The following FLT1 variants were observed in gnomAD, a reference collection of about 807,000 sequenced individuals.
The protein encoded by FLT1 is fms related receptor tyrosine kinase 1.
Under a neutral mutation model 156.3 loss-of-function variants are expected in FLT1, and 49 were observed. That is an observed-to-expected ratio of 0.31 (90% CI 0.25 to 0.40). The LOEUF (loss-of-function observed/expected upper bound fraction) is 0.40. Among genes scored for constraint, FLT1 ranks in the 10% least tolerant of loss-of-function variants. The probability of loss-of-function intolerance (pLI) is 1.00; values close to 1 mark genes in which losing one functional copy is unlikely to be tolerated. For missense variants in FLT1, 1,322 were observed against 1,637.2 expected, an observed-to-expected ratio of 0.81 and a Z score of 3.32; for synonymous variants, 594 against 583.8, an observed-to-expected ratio of 1.02 and a Z score of -0.25.
At chr13:28,433,569 C>T (rs184765608) in intron 6 of FLT1, among the ~76,000 whole-genome samples, 182 of 152,254 alleles carry the variant, frequency 1.2e-3, no homozygotes, top group African/African-American at 3.5e-3. Context: ...CACCTAGAAT[C>T]ATGCAATAGA....
intron 10 of FLT1, among the ~76,000 whole-genome samples, chr13:28,416,361 G>A (rs562874489): frequency 2.6e-5 from 4 of 152,294 alleles, no homozygotes; most frequent in African/African-American, 9.6e-5. Flanking sequence ...TTTCAGGATC[G>A]TGAGCTTTTG....
intron 1 of FLT1, among the ~76,000 whole-genome samples, chr13:28,477,489 C>G: frequency 6.6e-6 from 1 of 152,196 alleles, no homozygotes; most frequent in East Asian, 1.9e-4. Flanking sequence ...TGAAAGTTAT[C>G]TGAGCTGCCT....
intron 10 of FLT1, among the ~76,000 whole-genome samples, chr13:28,406,699 G>A (rs1177661117): frequency 6.6e-6 from 1 of 151,968 alleles, no homozygotes; most frequent in Admixed American, 6.6e-5. Flanking sequence ...AGGCTAATGT[G>A]CAGTGGTGCA....
chr13:28,434,834 G>A (rs578169644), intron 4 of FLT1, among the ~76,000 whole-genome samples: 3 of 152,324 alleles, frequency 2.0e-5, no homozygotes, highest in Admixed American at 6.5e-5. Flanking sequence ...AGTGAGCTGA[G>A]ATCACACCAC....
At chr13:28,383,807 T>G (rs1874192379) in intron 14 of FLT1, among the ~76,000 whole-genome samples, 2 of 152,144 alleles carry the variant, frequency 1.3e-5, no homozygotes, top group East Asian at 3.9e-4. Context: ...CACTCCAGCC[T>G]GGTGACAGAG....
At chr13:28,443,273 C>G (rs1375515739) in intron 3 of FLT1, among the ~76,000 whole-genome samples, 1 of 152,168 alleles carries the variant, frequency 6.6e-6, no homozygotes, top group Admixed American at 6.5e-5. Context: ...AAACAGGGAC[C>G]CTTGCTCAGA....
At chr13:28,489,313 G>A (rs1881348226) in intron 1 of FLT1, among the ~76,000 whole-genome samples, 1 of 152,120 alleles carries the variant, frequency 6.6e-6, no homozygotes, top group Admixed American at 6.5e-5. Context: ...ATGATAGTGT[G>A]GCCACATATT....
intron 12 of FLT1, among the ~76,000 whole-genome samples, chr13:28,396,346 T>A (rs1346316990): frequency 6.6e-6 from 1 of 152,228 alleles, no homozygotes; most frequent in Non-Finnish European, 1.5e-5. Context: ...TTGAGCTACT[T>A]ACTTCCTTCC....
At chr13:28,368,656 A>C in intron 14 of FLT1, 1 of 963,954 alleles carries the variant, frequency 1.0e-6, no homozygotes, top group Non-Finnish European at 1.6e-6. Flanking sequence ...ACGTTGATGT[A>C]TACAGTTCTA....
intron 14 of FLT1, among the ~76,000 whole-genome samples, chr13:28,358,522 A>G (rs1014014384): frequency 6.6e-6 from 1 of 152,210 alleles, no homozygotes; most frequent in Non-Finnish European, 1.5e-5. Flanking sequence ...AGGAGTCCCA[A>G]GAATTTTCAG....
At chr13:28,362,704 G>A (rs550291848) in intron 14 of FLT1, among the ~76,000 whole-genome samples, 4 of 152,278 alleles carry the variant, frequency 2.6e-5, no homozygotes, top group Admixed American at 6.5e-5. Context: ...GGCACCATGA[G>A]TAAATAAAGT....
intron 25 of FLT1, among the ~76,000 whole-genome samples, chr13:28,314,375 A>G (rs1225567527): frequency 6.6e-6 from 1 of 152,136 alleles, no homozygotes; most frequent in African/African-American, 2.4e-5. Context: ...AATGCAAATC[A>G]TCTCAGCAAA....
Position 28,430,154 on chromosome 13 carries a change from G to C in FLT1, c.1002C>G (p.Ile334Met). Reference sequence around the variant, plus strand: ...CCTGCTGTTTTCGATGTTTCACAGTGATGAATGCTTTATCTTTGAAAGGAG... The same window carrying C: ...CCTGCTGTTTTCGATGTTTCACAGTCATGAATGCTTTATCTTTGAAAGGAG... ...TSVHIYDKAF[I>M]TVKHRKQQVL... Residue 334 changes from isoleucine to methionine, a missense_variant, in exon 8 of 30, where the codon ATC (isoleucine) becomes ATG (methionine). By Grantham distance (10) the Ile-to-Met change is conservative (BLOSUM62 1). This residue lies in a region of FLT1 where 991 missense variants were observed against 1,254.8 expected (regional missense o/e 0.79). Coordinates refer to ENST00000282397, the MANE Select transcript of FLT1 (RefSeq NM_002019.4). 3.7e-6 allele frequency: 6 copies of C among 1,611,556 alleles called. No individual in the cohort carries two copies. In the South Asian group the frequency reaches 5.5e-5, roughly 15 times the overall value.
At chr13:28,482,882 A>G (rs1880941395) in intron 1 of FLT1, among the ~76,000 whole-genome samples, 1 of 152,190 alleles carries the variant, frequency 6.6e-6, no homozygotes, top group Non-Finnish European at 1.5e-5. Context: ...TTGATAGGGT[A>G]TTTTTCATTG....
At chr13:28,412,966 C>G (rs937281500) in intron 10 of FLT1, among the ~76,000 whole-genome samples, 1 of 152,120 alleles carries the variant, frequency 6.6e-6, no homozygotes, top group Non-Finnish European at 1.5e-5. Context: ...GCTCCTCTTG[C>G]TCCAGGAAAA....
At chr13:28,412,730 CTTTTTTTT>C (rs752528822) in intron 10 of FLT1, among the ~76,000 whole-genome samples, 2 of 79,538 alleles carry the variant, frequency 2.5e-5, no homozygotes, top group Admixed American at 3.1e-4. Flanking sequence ...CCCTCACGTT[CTTTTTTTT>C]TTTTTTTTTT....
rs79555042 is a variant in FLT1, at chr13:28,352,641, T to C, written c.2248+4913A>G. ...TTTGAAGTATAGGCATGTGTATCCC[T>C]GTCCCTCAGCCCTCCTATTGACATT... On this transcript the variant is annotated intron_variant, in intron 15 of 29. Transcript: ENST00000282397. Among the ~76,000 whole-genome samples the C allele has an allele frequency of 8.8e-3, 1,347 of 152,354 alleles. 13 individuals are homozygous for C. Among genetic ancestry groups the C allele is most frequent in the African/African-American group, 0.03 (1,262 of 41,582 alleles).
chr13:28,322,020 C>T lies in FLT1; in HGVS notation c.3051+242G>A, dbSNP rs367809329. Among the ~76,000 whole-genome samples, 4 of 152,112 alleles carry T rather than the reference C, an allele frequency of 2.6e-5. No homozygotes were observed. The highest frequency in any genetic ancestry group is 4.4e-5 in the Non-Finnish European group (3 of 68,030). The stretch of plus-strand genomic sequence containing the variant: ...TATGCCAGAGGATACTGTGGAGAGC[C>T]GATGCCAGGTTTGTCTAGTCTGAAA... On this transcript the variant is annotated intron_variant, in intron 22 of 29. Coordinates refer to ENST00000282397, the MANE Select transcript of FLT1 (RefSeq NM_002019.4). This position sits in a 1 kb window ranked among gnomAD's most constrained non-coding sequence, Gnocchi z 4.3.
intron 3 of FLT1, among the ~76,000 whole-genome samples, chr13:28,451,672 G>A (rs902699024): frequency 6.1e-5 from 9 of 147,694 alleles, no homozygotes; most frequent in Non-Finnish European, 1.2e-4. Flanking sequence ...GGAGGCAGGA[G>A]TCAGGGGAGG....
Sources: gnomAD v4.1 joint callset for allele counts (sites outside exome capture counted in the v4.1 genomes callset) on GRCh38, gnomAD v4.1.1 for gene constraint, gnomAD v4.1.1 regional missense constraint, Gnocchi (gnomAD v3.1) non-coding constraint, MANE v1.5 for transcripts, NCBI Gene and HGNC (gene_info 2026-07-23, HGNC 2026-07-21) for gene names.